Variants in KDM6A observed in about 807,000 individuals in gnomAD.
KDM6A encodes the protein lysine-specific demethylase 6A.
A neutral mutation model predicts 117.6 loss-of-function variants in KDM6A; 11 were observed. The ratio of observed to expected loss-of-function variants is 0.09; its 90% confidence interval spans 0.06 to 0.15. KDM6A has a LOEUF of 0.15. KDM6A is among the 10% of genes least tolerant of loss of function. The pLI, the probability that KDM6A is intolerant of heterozygous loss-of-function variation, is 1.00. For missense variants in KDM6A, 799 were observed against 1,077.3 expected (o/e 0.74, Z 3.62); for synonymous variants, 384 against 396.1 (o/e 0.97, Z 0.36).
chrX:44,898,220 C>G (rs1223335641), intron 2 of KDM6A, among the ~76,000 whole-genome samples: 1 of 111,930 alleles, frequency 8.9e-6, no homozygotes, highest in East Asian at 2.8e-4. Context: ...TTACCTCATA[C>G]CACTTCCCCT....
chrX:44,990,507 G>A (rs1315762482), intron 4 of KDM6A, among the ~76,000 whole-genome samples: 4 of 109,302 alleles, frequency 3.7e-5, no homozygotes, highest in African/African-American at 6.7e-5. Context: ...CCGAGATTGC[G>A]CCGTTGCACT....
chrX:45,081,821 C>T (rs906975468), intron 21 of KDM6A, among the ~76,000 whole-genome samples: 2 of 109,815 alleles, frequency 1.8e-5, no homozygotes, highest in African/African-American at 6.6e-5. Flanking sequence ...CTCTGTCGCC[C>T]AGGCTGGAGT....
chrX:45,053,087 T>C (rs1434290096), intron 9 of KDM6A, among the ~76,000 whole-genome samples: 1 of 111,868 alleles, frequency 8.9e-6, no homozygotes, highest in Admixed American at 9.5e-5. Flanking sequence ...GTTGATTCTA[T>C]AGCCTTATAT....
At chrX:44,911,892 C>CGGCGCGCGCCTGCAATCGCA (rs1162085893) in intron 2 of KDM6A, among the ~76,000 whole-genome samples, 2 of 110,136 alleles carry the variant, frequency 1.8e-5, no homozygotes, top group Non-Finnish European at 3.8e-5. Flanking sequence ...TCAGGCGTGG[C>CGGCGCGCGCCTGCAATCGCA]GGCGCGCGCC....
chrX:44,936,396 A>G (rs138204124), intron 2 of KDM6A, among the ~76,000 whole-genome samples: 126 of 111,640 alleles, frequency 1.1e-3, no homozygotes, highest in African/African-American at 3.7e-3. Context: ...ATAGGAACCA[A>G]TATCTTTTTT....
intron 2 of KDM6A, among the ~76,000 whole-genome samples, chrX:44,927,829 A>AACAG (rs2146939205): frequency 8.9e-6 from 1 of 111,875 alleles, no homozygotes; most frequent in African/African-American, 3.2e-5. Flanking sequence ...AAAAGTAAAA[A>AACAG]ACAGAAGACA....
chrX:45,036,166 G>C (rs1293695685), intron 7 of KDM6A, among the ~76,000 whole-genome samples: 1 of 111,242 alleles, frequency 9.0e-6, no homozygotes, highest in African/African-American at 3.3e-5. Flanking sequence ...CACTTAGGCT[G>C]GAGTGCAGTG....
At chrX:45,008,318 G>C (rs1234348357) in intron 4 of KDM6A, among the ~76,000 whole-genome samples, 1 of 110,974 alleles carries the variant, frequency 9.0e-6, no homozygotes, top group East Asian at 2.8e-4. Context: ...AGCTTGCAGT[G>C]AGCCGAGATC....
chrX:45,020,141 G>A (rs1417293132), intron 5 of KDM6A, among the ~76,000 whole-genome samples: 1 of 111,259 alleles, frequency 9.0e-6, no homozygotes, highest in Non-Finnish European at 1.9e-5. Context: ...TAAAAGATAA[G>A]GTACAGATGG....
chrX:44,924,677 GTGTGTGTGTGTGTC>G (rs1312695726), intron 2 of KDM6A, among the ~76,000 whole-genome samples: 2 of 109,637 alleles, frequency 1.8e-5, no homozygotes, highest in East Asian at 5.8e-4. Context: ...GTGTGTGTGT[GTGTGTGTGTGTGTC>G]TATGTATTTA....
chrX:44,877,477 A>C lies in KDM6A; in HGVS notation c.225+3490A>C, dbSNP rs183960230. On this transcript the variant is annotated intron_variant, in intron 2 of 29. Transcript: ENST00000611820. ...AGTGGAGTTATCGAAAACTAAGCAA[A>C]ATATTTTAACAGAAATTAACTTGTG... 1.3e-4 allele frequency among the ~76,000 whole-genome samples: 14 copies of C among 110,331 alleles called. No homozygotes were observed. The East Asian group carries it at 3.9e-3, about 31-fold the overall frequency.
At chrX:44,997,273 T>C (rs1254966212) in intron 4 of KDM6A, among the ~76,000 whole-genome samples, 1 of 112,048 alleles carries the variant, frequency 8.9e-6, no homozygotes, top group African/African-American at 3.2e-5. Flanking sequence ...AAAGTTTTAT[T>C]GAGTGGAAAG....
Position 44,874,501 on chromosome X carries a change from T to C in KDM6A, c.225+514T>C, listed in dbSNP as rs759800159. 2.3e-3 allele frequency among the ~76,000 whole-genome samples: 259 copies of C among 111,748 alleles called. 1 individual carries two copies. The highest frequency in any genetic ancestry group is 8.1e-3 in the African/African-American group (248 of 30,710). On this transcript the variant is annotated intron_variant, in intron 2 of 29. Coordinates refer to ENST00000611820, the MANE Select transcript of KDM6A (RefSeq NM_001291415.2). The stretch of plus-strand genomic sequence containing the variant: ...AGTTTAGGTCGGTGAAGAGTTTGCA[T>C]TGGGCTGTTGACATGTATCTCGATT...
chrX:44,989,510 G>A (rs1213973889), intron 4 of KDM6A, among the ~76,000 whole-genome samples: 1 of 110,410 alleles, frequency 9.1e-6, no homozygotes, highest in East Asian at 2.8e-4. Flanking sequence ...GGGAGCTGCA[G>A]ACTGGAGCTG....
intron 2 of KDM6A, among the ~76,000 whole-genome samples, chrX:44,909,584 A>G (rs2034952112): frequency 9.0e-6 from 1 of 111,663 alleles, no homozygotes; most frequent in South Asian, 3.7e-4. Context: ...ATAGATAACT[A>G]TACATTTCAA....
intron 15 of KDM6A, among the ~76,000 whole-genome samples, chrX:45,062,423 G>T (rs2044341894): frequency 8.9e-6 from 1 of 111,907 alleles, no homozygotes; most frequent in Admixed American, 9.5e-5. Flanking sequence ...CTATTACAAA[G>T]AACTCATAGT....
chrX:45,071,217 C>A (rs900996917), intron 18 of KDM6A, among the ~76,000 whole-genome samples: 1 of 111,979 alleles, frequency 8.9e-6, no homozygotes, highest in Non-Finnish European at 1.9e-5. Context: ...TAAGTTTGAG[C>A]AGACATATAG....
chrX:45,092,496 A>G (rs1397829184), intron 27 of KDM6A, among the ~76,000 whole-genome samples: 1 of 111,482 alleles, frequency 9.0e-6, no homozygotes, highest in Non-Finnish European at 1.9e-5. Context: ...TCTACCTGTC[A>G]TTTGGTCCCA....
intron 3 of KDM6A, among the ~76,000 whole-genome samples, chrX:44,970,878 G>A (rs748589423): frequency 8.8e-4 from 98 of 111,369 alleles, no homozygotes; most frequent in African/African-American, 3.1e-3. Context: ...TAGTTCCCTC[G>A]TGGTGGCAGT....
Sources: gnomAD v4.1 joint callset for allele counts (sites outside exome capture counted in the v4.1 genomes callset) on GRCh38, gnomAD v4.1.1 for gene constraint, MANE v1.5 for transcripts, NCBI Gene and HGNC (gene_info 2026-07-23, HGNC 2026-07-21) for gene names.